NDUFS4: variants seen among roughly 807,000 people sequenced by gnomAD.
NDUFS4 encodes NADH:ubiquinone oxidoreductase subunit S4.
Under a neutral mutation model 24.3 loss-of-function variants are expected in NDUFS4, and 28 were observed. That is an observed-to-expected ratio of 1.15 (90% CI 0.85 to 1.58). NDUFS4 has a LOEUF of 1.58. Among genes scored for constraint, NDUFS4 ranks in the 40% most tolerant of loss-of-function variants. NDUFS4 has a pLI of 0.00. For synonymous variants in NDUFS4, 93 were observed against 69.7 expected (o/e 1.34, Z -1.67); for missense variants, 223 against 207.9 (o/e 1.07, Z -0.45).
chr5:53,677,333 A>C (rs1175392062), intron 4 of NDUFS4, among the ~76,000 whole-genome samples: 1 of 152,164 alleles, frequency 6.6e-6, no homozygotes, highest in Non-Finnish European at 1.5e-5. Flanking sequence ...AGTATTACTA[A>C]TCTAACAAAT....
intron 4 of NDUFS4, among the ~76,000 whole-genome samples, chr5:53,678,395 C>T (rs967283662): frequency 6.6e-6 from 1 of 152,088 alleles, no homozygotes; most frequent in Non-Finnish European, 1.5e-5. Context: ...CAAATCTGTG[C>T]CATATGGCTA....
At chr5:53,653,441 C>T (rs1752075482) in intron 3 of NDUFS4, among the ~76,000 whole-genome samples, 2 of 152,136 alleles carry the variant, frequency 1.3e-5, no homozygotes, top group African/African-American at 4.8e-5. Context: ...CAAAGCACTT[C>T]TAAAATTTGC....
At chr5:53,575,504 CA>C (rs1749354452) in intron 1 of NDUFS4, among the ~76,000 whole-genome samples, 1 of 142,014 alleles carries the variant, frequency 7.0e-6, no homozygotes, top group African/African-American at 2.6e-5. Flanking sequence ...TAAAATGACT[CA>C]AAATATTCTT....
intron 1 of NDUFS4, among the ~76,000 whole-genome samples, chr5:53,578,232 T>G (rs1355057315): frequency 2.0e-5 from 3 of 152,340 alleles, no homozygotes; most frequent in African/African-American, 4.8e-5. Context: ...AGTCCATGGT[T>G]TATGTCTGTC....
chr5:53,627,829 A>G (rs1357494642), intron 2 of NDUFS4, among the ~76,000 whole-genome samples: 4 of 152,216 alleles, frequency 2.6e-5, no homozygotes, highest in African/African-American at 7.2e-5. Context: ...ATCTGCAAGC[A>G]GAGACAATTT....
chr5:53,571,519 T>C (rs910277065), intron 1 of NDUFS4, among the ~76,000 whole-genome samples: 5 of 152,238 alleles, frequency 3.3e-5, no homozygotes, highest in African/African-American at 1.2e-4. Context: ...TCAACATATG[T>C]TTTTATTGTT....
intron 2 of NDUFS4, among the ~76,000 whole-genome samples, chr5:53,628,901 C>G (rs575844064): frequency 1.3e-5 from 2 of 152,066 alleles, no homozygotes; most frequent in South Asian, 4.2e-4. Context: ...TGATATTAGT[C>G]ATTTCTTGCC....
At position 53,606,491 on chromosome 5, in the gene NDUFS4, C is replaced by T. The variant is rs374780714; in HGVS notation, c.177+2961C>T. 2.3e-3 allele frequency among the ~76,000 whole-genome samples: 345 copies of T among 152,188 alleles called. 5 individuals are homozygous for T. Among genetic ancestry groups the T allele is most frequent in the African/African-American group, 7.7e-3 (320 of 41,548 alleles). On this transcript the variant is annotated intron_variant, in intron 2 of 4. Transcript: ENST00000296684. ...AAGTGATTCTTATGCCTCAGCCTCCCGAGTACCTAGGATTACAGGTGCCCG... is the reference window on the plus strand; with the variant it reads ...AAGTGATTCTTATGCCTCAGCCTCCTGAGTACCTAGGATTACAGGTGCCCG...
intron 1 of NDUFS4, among the ~76,000 whole-genome samples, chr5:53,574,904 A>T (rs1470684537): frequency 1.3e-5 from 2 of 152,162 alleles, no homozygotes; most frequent in Non-Finnish European, 2.9e-5. Context: ...CTAAGGGACT[A>T]GAGGACAGAG....
intron 4 of NDUFS4, among the ~76,000 whole-genome samples, chr5:53,662,248 A>G (rs1336711519): frequency 1.3e-5 from 2 of 152,188 alleles, no homozygotes; most frequent in Non-Finnish European, 2.9e-5. Flanking sequence ...GCATCTATTC[A>G]GATAATCATG....
intron 3 of NDUFS4, among the ~76,000 whole-genome samples, chr5:53,652,851 C>T (rs1752056206): frequency 6.6e-6 from 1 of 151,952 alleles, no homozygotes; most frequent in Non-Finnish European, 1.5e-5. Context: ...TTTTAAATCT[C>T]CTTGATCCTG....
chr5:53,571,068 A>G (rs1749195921), intron 1 of NDUFS4, among the ~76,000 whole-genome samples: 1 of 151,972 alleles, frequency 6.6e-6, no homozygotes, highest in Non-Finnish European at 1.5e-5. Flanking sequence ...ATTTAGCTAT[A>G]ATTTATATAT....
At chr5:53,586,958 G>A (rs968451053) in intron 1 of NDUFS4, among the ~76,000 whole-genome samples, 10 of 151,844 alleles carry the variant, frequency 6.6e-5, no homozygotes, top group Admixed American at 4.6e-4. Flanking sequence ...CGAGTAGCTG[G>A]GATTACAGGC....
chr5:53,657,258 G>A (rs1355813511), intron 3 of NDUFS4, among the ~76,000 whole-genome samples: 1 of 152,104 alleles, frequency 6.6e-6, no homozygotes, highest in Admixed American at 6.6e-5. Context: ...CTTTGAAAAG[G>A]AGGAACCAAT....
chr5:53,632,804 G>C (rs1751443775), intron 2 of NDUFS4, among the ~76,000 whole-genome samples: 1 of 152,166 alleles, frequency 6.6e-6, no homozygotes, highest in African/African-American at 2.4e-5. Flanking sequence ...GTAAAGGCAA[G>C]AGTGGTAGTC....
chr5:53,569,191 A>G (rs543781084), intron 1 of NDUFS4, among the ~76,000 whole-genome samples: 22 of 152,242 alleles, frequency 1.4e-4, no homozygotes, highest in Admixed American at 3.9e-4. Context: ...AATTTGCATG[A>G]AATTTATGAC....
chr5:53,670,767 C>T (rs1226072077), intron 4 of NDUFS4, among the ~76,000 whole-genome samples: 2 of 150,950 alleles, frequency 1.3e-5, no homozygotes, highest in Non-Finnish European at 3.0e-5. Context: ...GTACTCTTAC[C>T]TAGAATGAAT....
rs369675317 is a variant in NDUFS4, at chr5:53,582,027, C to T, written c.98+21267C>T. 6.1e-3 allele frequency among the ~76,000 whole-genome samples: 925 copies of T among 151,966 alleles called. 11 individuals are homozygous for T. Among genetic ancestry groups the T allele is most frequent in the African/African-American group, 0.021 (884 of 41,474 alleles). On this transcript the variant is annotated intron_variant, in intron 1 of 4. Transcript: ENST00000296684. ...GAGATTGAGACCATCCTGGCTAACA[C>T]GGTGAAACCCTGTCTCTACTAAAAA...
rs1245170699 is a variant in NDUFS4 at position 53,560,647 on chromosome 5, G to A, written c.-16G>A. On this transcript the variant is annotated 5_prime_UTR_variant, in exon 1 of 5. Transcript: ENST00000296684. ...CGGTGATCCGTCCTTTCATCCTGGC[G>A]TTTGCCTGCAGCAAGATGGCGGCGG... 11 of 1,614,116 alleles carry A rather than the reference G, an allele frequency of 6.8e-6. No individual in the cohort carries two copies.
Sources: allele counts gnomAD v4.1 joint callset (sites outside exome capture counted in the v4.1 genomes callset), GRCh38; gene constraint gnomAD v4.1.1; transcripts MANE v1.5; gene names NCBI Gene and HGNC (gene_info 2026-07-23, HGNC 2026-07-21).